Variants in ALPK2 observed in about 807,000 individuals in gnomAD.
ALPK2 encodes alpha-protein kinase 2.
In ALPK2, 127 loss-of-function variants were observed where a neutral mutation model predicts 163.1. The ratio of observed to expected loss-of-function variants is 0.78; its 90% CI spans 0.67 to 0.90. The LOEUF is 0.90. Ranked by LOEUF, ALPK2 falls within the 40% of genes least tolerant of loss-of-function variation. ALPK2 has a pLI of 0.00. For missense variants in ALPK2, 2,360 were observed against 2,589.6 expected, an observed-to-expected ratio of 0.91 and a Z score of 1.92; for synonymous variants, 953 against 959.1, an observed-to-expected ratio of 0.99 and a Z score of 0.12.
chr18:58,540,721 C>T (rs542982882), intron 4 of ALPK2, among the ~76,000 whole-genome samples: 2 of 152,334 alleles, frequency 1.3e-5, no homozygotes, highest in South Asian at 4.1e-4. Context: ...CTACCTATGT[C>T]AGTCCCTTAT....
intron 1 of ALPK2, among the ~76,000 whole-genome samples, chr18:58,617,279 C>T (rs1270357238): frequency 6.6e-6 from 1 of 152,136 alleles, no homozygotes; most frequent in African/African-American, 2.4e-5. Context: ...CTCCACCTCC[C>T]GGGTTCAAGC....
At position 58,530,446 on chromosome 18, in the gene ALPK2, C is replaced by T. The variant is rs117738756; in HGVS notation, c.5354-1208G>A. ...CTGCTGGTTCCTGCCCAAGCTGAGA[C>T]CGTGTTCAGGTTCACAATGTCAAAC... is the stretch of plus-strand genomic sequence containing the variant. On this transcript the variant is annotated intron_variant, in intron 5 of 12. Coordinates refer to ENST00000361673, the MANE Select transcript of ALPK2 (RefSeq NM_052947.4). Among the ~76,000 whole-genome samples the T allele has an allele frequency of 5.0e-3, 756 of 152,340 alleles. 25 individuals are homozygous for T. In the East Asian group the frequency reaches 0.087, roughly 17 times the overall value.
At position 58,579,565 on chromosome 18, in the gene ALPK2, T is replaced by C; in HGVS notation, c.1211A>G (p.His404Arg). ...CACCCCAACTTCTTGGGGTTGTGAG[T>C]GATGACCACAGAAGCCAGCAGTGGC... ...MVATAGFCGHHSQPQEVGVRS... is the reference protein window; with the variant it reads ...MVATAGFCGHRSQPQEVGVRS... The change falls in exon 4 of 13, where the codon CAC (histidine) becomes CGC (arginine). Residue 404 changes from histidine to arginine, a missense_variant. Transcript: ENST00000361673. 1 of 1,613,054 alleles carries C rather than the reference T, an allele frequency of 6.2e-7. No individual in the cohort carries two copies. Among genetic ancestry groups the C allele is most frequent in the South Asian group, 1.1e-5 (1 of 91,014 alleles).
chr18:58,621,432 C>T (rs562841100), intron 1 of ALPK2, among the ~76,000 whole-genome samples: 196 of 152,062 alleles, frequency 1.3e-3, no homozygotes, highest in African/African-American at 4.2e-3. Context: ...CCACAATGCC[C>T]GGCTAATTGT....
intron 11 of ALPK2, among the ~76,000 whole-genome samples, chr18:58,503,695 T>TC (rs983293764): frequency 7.9e-5 from 12 of 151,984 alleles, no homozygotes; most frequent in African/African-American, 1.9e-4. Context: ...TGAGACCCTG[T>TC]CCCCCCCTAG....
rs762930506 is a variant in ALPK2 at position 58,580,522 on chromosome 18, TAGAC to T, written c.250_253del (p.Val84IlefsTer11). On this transcript the variant is annotated frameshift_variant, in exon 4 of 13. Coordinates refer to ENST00000361673, the MANE Select transcript of ALPK2 (RefSeq NM_052947.4). LOFTEE classifies it high-confidence loss of function. Reference sequence around the variant, plus strand: ...AAAAGAGTTTTTAGCCGAGATTTGATAGACAGCAGCATCATTTTTGGTACAGCTA... The same window carrying T: ...AAAAGAGTTTTTAGCCGAGATTTGATAGCAGCATCATTTTTGGTACAGCTA... The T allele has an allele frequency of 4.6e-5, 75 of 1,613,746 alleles. No individual in the cohort carries two copies. Among genetic ancestry groups the T allele is most frequent in the Non-Finnish European group, 5.7e-5 (67 of 1,179,788 alleles).
At chr18:58,564,055 A>G (rs1373017337) in intron 4 of ALPK2, among the ~76,000 whole-genome samples, 2 of 151,994 alleles carry the variant, frequency 1.3e-5, no homozygotes, top group African/African-American at 4.8e-5. Context: ...GAAAGGAGGA[A>G]GGCAGAAAGG....
At position 58,529,801 on chromosome 18, in the gene ALPK2, G is replaced by C. The variant is rs111958473; in HGVS notation, c.5354-563C>G. On this transcript the variant is annotated intron_variant, in intron 5 of 12. Transcript: ENST00000361673. ...GTGATGTCTGATATCAACCTCATTA[G>C]CAAAAGAGAATAGAAGCAATAAGGA... Among the ~76,000 whole-genome samples the C allele has an allele frequency of 1.6e-3, 243 of 152,302 alleles. 1 individual carries two copies. Among genetic ancestry groups the C allele is most frequent in the African/African-American group, 5.5e-3 (230 of 41,560 alleles).
chr18:58,615,727 A>C (rs1056825333), intron 1 of ALPK2, among the ~76,000 whole-genome samples: 2 of 152,208 alleles, frequency 1.3e-5, no homozygotes, highest in Non-Finnish European at 2.9e-5. Context: ...ATGACCTTCC[A>C]TTCTCATTCC....
chr18:58,603,050 C>A (rs375284111), intron 3 of ALPK2, among the ~76,000 whole-genome samples: 49 of 152,280 alleles, frequency 3.2e-4, no homozygotes, highest in African/African-American at 1.1e-3. Flanking sequence ...ATAAATTATC[C>A]AATTCTTGTT....
intron 2 of ALPK2, among the ~76,000 whole-genome samples, chr18:58,608,746 A>T (rs2052111376): frequency 6.6e-6 from 1 of 152,112 alleles, no homozygotes. Flanking sequence ...GAGTCTAGGC[A>T]TTTAAGACCA....
intron 1 of ALPK2, among the ~76,000 whole-genome samples, chr18:58,620,168 G>A (rs2052190906): frequency 6.6e-6 from 1 of 152,210 alleles, no homozygotes; most frequent in African/African-American, 2.4e-5. Flanking sequence ...TCGGGTGCAT[G>A]AAATCTCAGC....
intron 8 of ALPK2, among the ~76,000 whole-genome samples, chr18:58,521,870 A>G (rs1274781952): frequency 1.3e-5 from 2 of 151,000 alleles, no homozygotes; most frequent in East Asian, 3.9e-4. Context: ...TCGTGATCCC[A>G]CTCGCCTCGG....
chr18:58,488,005 G>A (rs1349513874), intron 12 of ALPK2, among the ~76,000 whole-genome samples: 2 of 152,086 alleles, frequency 1.3e-5, no homozygotes, highest in African/African-American at 4.8e-5. Flanking sequence ...CTGGAGTGGG[G>A]GTGGAATTTT....
At chr18:58,581,509 C>G (rs888854569) in intron 3 of ALPK2, among the ~76,000 whole-genome samples, 1 of 151,842 alleles carries the variant, frequency 6.6e-6, no homozygotes, top group African/African-American at 2.4e-5. Flanking sequence ...CTGGATGGAA[C>G]GAAGCCTGCT....
chr18:58,595,828 G>A (rs1278320249), intron 3 of ALPK2, among the ~76,000 whole-genome samples: 1 of 152,144 alleles, frequency 6.6e-6, no homozygotes, highest in East Asian at 1.9e-4. Context: ...TGCAGGTTCT[G>A]ATTGGCTGGT....
At chr18:58,510,247 T>TCTGTTTTGGTACCAGTACCATG (rs2051483288) in intron 10 of ALPK2, among the ~76,000 whole-genome samples, 1 of 152,204 alleles carries the variant, frequency 6.6e-6, no homozygotes, top group Non-Finnish European at 1.5e-5. Context: ...GGTCTACATC[T>TCTGTTTTGGTACCAGTACCATG]CTGTTTTGGT....
intron 10 of ALPK2, among the ~76,000 whole-genome samples, chr18:58,509,953 T>C (rs2051481542): frequency 1.3e-5 from 2 of 151,966 alleles, no homozygotes; most frequent in Non-Finnish European, 2.9e-5. Context: ...ACATGAAGTC[T>C]TTGCCCATGC....
chr18:58,602,690 A>T (rs1202087641), intron 3 of ALPK2, among the ~76,000 whole-genome samples: 1 of 152,150 alleles, frequency 6.6e-6, no homozygotes, highest in East Asian at 1.9e-4. Context: ...GTCTGGGTAA[A>T]CTAAGGCTGA....
Sources: gnomAD v4.1 joint callset for allele counts (sites outside exome capture counted in the v4.1 genomes callset) on GRCh38, gnomAD v4.1.1 for gene constraint, MANE v1.5 for transcripts, NCBI Gene and HGNC (gene_info 2026-07-23, HGNC 2026-07-21) for gene names.